The following FHIT variants were observed in gnomAD, a reference collection of about 807,000 sequenced individuals.
FHIT encodes fragile histidine triad diadenosine triphosphatase, also known as bis(5'-adenosyl)-triphosphatase.
In FHIT, 19 loss-of-function variants were observed where a neutral mutation model predicts 17.9. The observed-to-expected ratio is 1.06, with a 90% CI of 0.74 to 1.56. The LOEUF is 1.56. Among genes scored for constraint, FHIT ranks in the 40% most tolerant of loss-of-function variants. The pLI is 0.00. For synonymous variants in FHIT, 81 were observed against 69.7 expected, an observed-to-expected ratio of 1.16 and a Z score of -0.81; for missense variants, 248 against 189.2, an observed-to-expected ratio of 1.31 and a Z score of -1.82.
intron 1 of FHIT, among the ~76,000 whole-genome samples, chr3:61,248,806 T>C (rs1416571433): frequency 6.6e-6 from 1 of 152,198 alleles, no homozygotes; most frequent in Non-Finnish European, 1.5e-5. Context: ...TCCACACTAC[T>C]GTGAGGACTC....
At chr3:60,519,181 T>A (rs937196148) in intron 5 of FHIT, among the ~76,000 whole-genome samples, 1 of 152,186 alleles carries the variant, frequency 6.6e-6, no homozygotes, top group South Asian at 2.1e-4. Flanking sequence ...AATAAGATTA[T>A]AGATGGTTTT....
At chr3:59,763,169 T>C (rs1376385870) in intron 8 of FHIT, among the ~76,000 whole-genome samples, 1 of 152,360 alleles carries the variant, frequency 6.6e-6, no homozygotes, top group Non-Finnish European at 1.5e-5. Flanking sequence ...CTGCCTTTGT[T>C]GGAATCTCCT....
chr3:60,056,230 C>CTT (rs1345477275), intron 5 of FHIT, among the ~76,000 whole-genome samples: 12 of 152,230 alleles, frequency 7.9e-5, no homozygotes, highest in Non-Finnish European at 1.6e-4. Flanking sequence ...AAGAGACACA[C>CTT]AGAGGGAATG....
chr3:60,539,708 G>C, intron 4 of FHIT, among the ~76,000 whole-genome samples: 1 of 152,042 alleles, frequency 6.6e-6, no homozygotes, highest in Non-Finnish European at 1.5e-5. Flanking sequence ...ACCAAACACT[G>C]CATGTTCTCA....
intron 5 of FHIT, among the ~76,000 whole-genome samples, chr3:60,344,010 A>AT (rs1410472194): frequency 2.0e-5 from 3 of 152,198 alleles, no homozygotes; most frequent in Non-Finnish European, 4.4e-5. Flanking sequence ...TTCAAACTCT[A>AT]TGACTACAGT....
chr3:60,372,783 T>A (rs1269239663), intron 5 of FHIT, among the ~76,000 whole-genome samples: 1 of 152,012 alleles, frequency 6.6e-6, no homozygotes, highest in Non-Finnish European at 1.5e-5. Flanking sequence ...CTCACAGACT[T>A]TTTTTTTAAA....
At chr3:59,961,624 C>T (rs1390321055) in intron 7 of FHIT, among the ~76,000 whole-genome samples, 22 of 152,106 alleles carry the variant, frequency 1.4e-4, no homozygotes, top group Non-Finnish European at 4.4e-5. Flanking sequence ...GCGCACCATT[C>T]CTCAAGGCAC....
chr3:60,942,321 T>C (rs1437697037), intron 3 of FHIT, among the ~76,000 whole-genome samples: 1 of 152,196 alleles, frequency 6.6e-6, no homozygotes, highest in Non-Finnish European at 1.5e-5. Flanking sequence ...AATGAATGAA[T>C]TTTCATTCTC....
chr3:60,331,861 AGAG>A (rs1174905643), intron 5 of FHIT, among the ~76,000 whole-genome samples: 1 of 145,810 alleles, frequency 6.9e-6, no homozygotes, highest in Non-Finnish European at 1.5e-5. Context: ...AAAAAAAAAA[AGAG>A]AGAAAAGAAA....
At chr3:61,079,543 A>G (rs191531863) in intron 2 of FHIT, among the ~76,000 whole-genome samples, 12 of 152,296 alleles carry the variant, frequency 7.9e-5, no homozygotes, top group Non-Finnish European at 1.6e-4. Context: ...GATAATACCA[A>G]AAAATATGCA....
At chr3:60,113,902 T>G (rs191737113) in intron 5 of FHIT, among the ~76,000 whole-genome samples, 3 of 140,850 alleles carry the variant, frequency 2.1e-5, no homozygotes, top group Non-Finnish European at 3.0e-5. Context: ...CTGGGGTGGC[T>G]GAGGCAGGAG....
intron 7 of FHIT, among the ~76,000 whole-genome samples, chr3:59,936,030 C>A (rs1472334937): frequency 6.6e-6 from 1 of 152,132 alleles, no homozygotes; most frequent in Non-Finnish European, 1.5e-5. Flanking sequence ...ACATAAATCC[C>A]TTTTAAAAAA....
chr3:60,534,313 G>C (rs1258022933), intron 5 of FHIT, among the ~76,000 whole-genome samples: 5 of 149,316 alleles, frequency 3.3e-5, no homozygotes, highest in Non-Finnish European at 5.9e-5. Flanking sequence ...GGCGCCTGTA[G>C]TCCCAGCTAC....
intron 8 of FHIT, among the ~76,000 whole-genome samples, chr3:59,898,075 G>A (rs1254802288): frequency 1.3e-5 from 2 of 151,922 alleles, no homozygotes; most frequent in African/African-American, 2.4e-5. Flanking sequence ...CCCAAAATCT[G>A]AAACTTTTTG....
intron 3 of FHIT, among the ~76,000 whole-genome samples, chr3:60,860,178 GGTATACATGAGATACATC>G (rs1703600308): frequency 1.2e-5 from 1 of 82,312 alleles, no homozygotes; most frequent in African/African-American, 6.1e-5. Context: ...ATGTATATAT[GGTATACATGAGATACATC>G]ATATGTATAT....
At chr3:60,909,142 G>A (rs1706584596) in intron 3 of FHIT, among the ~76,000 whole-genome samples, 2 of 152,084 alleles carry the variant, frequency 1.3e-5, no homozygotes, top group Non-Finnish European at 1.5e-5. Flanking sequence ...AGGCTGAGAT[G>A]GGTGGATCAC....
intron 2 of FHIT, among the ~76,000 whole-genome samples, chr3:61,075,061 G>A (rs1336679381): frequency 6.6e-6 from 1 of 152,206 alleles, no homozygotes; most frequent in Non-Finnish European, 1.5e-5. Flanking sequence ...TGGCAAGCAC[G>A]GAATTGACGG....
At chr3:61,037,206 C>T (rs1212820250) in intron 3 of FHIT, among the ~76,000 whole-genome samples, 1 of 152,094 alleles carries the variant, frequency 6.6e-6, no homozygotes, top group Non-Finnish European at 1.5e-5. Flanking sequence ...CCACCGTGCC[C>T]GGCCCAGTCT....
At chr3:60,647,140 A>G (rs1217446219) in intron 4 of FHIT, among the ~76,000 whole-genome samples, 1 of 152,212 alleles carries the variant, frequency 6.6e-6, no homozygotes, top group African/African-American at 2.4e-5. Flanking sequence ...AACACTAGGA[A>G]AACATATCGT....
Sources: allele counts gnomAD v4.1 joint callset (sites outside exome capture counted in the v4.1 genomes callset), GRCh38; gene constraint gnomAD v4.1.1; transcripts MANE v1.5; gene names NCBI Gene and HGNC (gene_info 2026-07-23, HGNC 2026-07-21).